Variants in RNF6 observed in about 807,000 individuals in gnomAD.
RNF6 encodes ring finger protein 6.
In RNF6, 21 loss-of-function variants were observed where a neutral mutation model predicts 50.1. The observed-to-expected ratio is 0.42, with a 90% confidence interval of 0.30 to 0.60. The LOEUF (loss-of-function observed/expected upper bound fraction) is 0.60, where lower values mean the gene tolerates loss of function less well. RNF6 is among the 20% of genes least tolerant of loss of function. The pLI is 0.20. For missense variants in RNF6, 698 were observed against 838.2 expected, an observed-to-expected ratio of 0.83 and a Z score of 2.07; for synonymous variants, 255 against 291.8, an observed-to-expected ratio of 0.87 and a Z score of 1.29.
At chr13:26,140,163 T>C (rs1401214666) in intron 5 of RNF6, among the ~76,000 whole-genome samples, 1 of 152,242 alleles carries the variant, frequency 6.6e-6, no homozygotes, top group Admixed American at 6.5e-5. Flanking sequence ...ATTAACTTTA[T>C]ACAAATGAGA....
intron 5 of RNF6, among the ~76,000 whole-genome samples, chr13:26,181,271 T>C (rs12427601): frequency 0.38 from 57,004 of 151,900 alleles, 11,787 homozygotes; most frequent in East Asian, 0.7. Context: ...GCAGAGCACC[T>C]CCAGGATGTG....
intron 5 of RNF6, among the ~76,000 whole-genome samples, chr13:26,192,660 G>T (rs1292349548): frequency 2.0e-5 from 3 of 152,290 alleles, no homozygotes; most frequent in Admixed American, 2.0e-4. Flanking sequence ...TTTTGGAAAG[G>T]CCCATGTGGC....
rs116707681 is a variant in RNF6 at position 26,216,046 on chromosome 13, A to G, written c.290-454T>C. 6.1e-3 allele frequency among the ~76,000 whole-genome samples: 935 copies of G among 152,320 alleles called. 15 individuals carry two copies. The highest frequency in any genetic ancestry group is 0.022 in the African/African-American group (905 of 41,576). ...AACTCAGTCATTTTTGCAACTAGGTATTTCTGTAATCTTAGAAATTTTTCC... is the reference window on the plus strand; with the variant it reads ...AACTCAGTCATTTTTGCAACTAGGTGTTTCTGTAATCTTAGAAATTTTTCC... On this transcript the variant is annotated intron_variant, in intron 4 of 4. Coordinates refer to ENST00000381588, the MANE Select transcript of RNF6 (RefSeq NM_005977.4).
chr13:26,210,542 T>A (rs1040178830), downstream of RNF6, among the ~76,000 whole-genome samples: 1 of 152,224 alleles, frequency 6.6e-6, no homozygotes, highest in South Asian at 2.1e-4. Context: ...GACAGAAGGA[T>A]GTATTTGCCT....
At chr13:26,203,030 A>G (rs1566431987) in intron 5 of RNF6, among the ~76,000 whole-genome samples, 2 of 152,252 alleles carry the variant, frequency 1.3e-5, no homozygotes, top group East Asian at 3.8e-4. Context: ...ATATTTTACA[A>G]ATGGAAAAAC....
chr13:26,138,386 A>C (rs1870759275), intron 5 of RNF6, among the ~76,000 whole-genome samples: 1 of 152,204 alleles, frequency 6.6e-6, no homozygotes, highest in African/African-American at 2.4e-5. Context: ...AAAGGTTACT[A>C]AACTGTATAT....
intron 5 of RNF6, among the ~76,000 whole-genome samples, chr13:26,171,120 A>T (rs1872679117): frequency 6.6e-6 from 1 of 152,216 alleles, no homozygotes; most frequent in African/African-American, 2.4e-5. Context: ...ATGGAAAGAC[A>T]ACAGAATGGG....
rs183257502 is a variant in RNF6 at position 26,183,876 on chromosome 13, A to C, written n.768+31598T>G. ...TTATTTATATATTTTTATATATATAAAATATAGGTTTTTTTATACTTATTT... is the reference window on the plus strand; with the variant it reads ...TTATTTATATATTTTTATATATATACAATATAGGTTTTTTTATACTTATTT... On this transcript the variant is annotated intron_variant and non_coding_transcript_variant, in intron 5 of 5. Coordinates refer to the RNF6 transcript ENST00000468480. Among the ~76,000 whole-genome samples the C allele has an allele frequency of 1.7e-3, 204 of 118,554 alleles. 4 individuals carry two copies. The highest frequency in any genetic ancestry group is 1.0e-4 in the Non-Finnish European group (6 of 58,898). The allele number at this position is 118,554 out of a possible 152,430, so 77.8% of individuals were successfully genotyped here.
At chr13:26,146,558 G>A (rs1593146291) in intron 5 of RNF6, among the ~76,000 whole-genome samples, 1 of 152,118 alleles carries the variant, frequency 6.6e-6, no homozygotes, top group East Asian at 1.9e-4. Context: ...CCACCCTAGG[G>A]TGAGTGAATA....
rs147881007 is a variant in RNF6, at chr13:26,214,976, T to C, written c.906A>G (p.Arg302=). 1.9e-6 allele frequency: 3 copies of C among 1,614,082 alleles called. No individual in the cohort carries two copies. The African/African-American group carries it at 4.0e-5, about 22-fold the overall frequency. ...RNTNQRLEPI[R]LRSTSNSRSR... ...TTCGACTATTGGAAGTAGATCGTAA[T>C]CTTATTGGCTCTAATCTTTGGTTTG... The change falls in exon 5 of 5, where the codon AGA becomes AGG. Residue 302 remains arginine (R), a synonymous_variant. Coordinates refer to ENST00000381588, the MANE Select transcript of RNF6 (RefSeq NM_005977.4).
At chr13:26,158,502 A>T (rs1593155869) in intron 5 of RNF6, among the ~76,000 whole-genome samples, 1 of 152,204 alleles carries the variant, frequency 6.6e-6, no homozygotes, top group East Asian at 1.9e-4. Context: ...TATCTGTGAA[A>T]GTTGGTCTAT....
chr13:26,141,251 T>C (rs1221783092), intron 5 of RNF6, among the ~76,000 whole-genome samples: 1 of 151,838 alleles, frequency 6.6e-6, no homozygotes, highest in Admixed American at 6.6e-5. Context: ...CCAACAGTGA[T>C]ACCCCATCTC....
intron 5 of RNF6, among the ~76,000 whole-genome samples, chr13:26,132,849 A>G (rs1484896436): frequency 1.3e-5 from 2 of 152,186 alleles, no homozygotes; most frequent in Admixed American, 6.5e-5. Flanking sequence ...CAGGCATCAG[A>G]TTCACCAAAA....
intron 5 of RNF6, among the ~76,000 whole-genome samples, chr13:26,143,571 A>G (rs914516801): frequency 6.6e-6 from 1 of 152,184 alleles, no homozygotes; most frequent in Admixed American, 6.5e-5. Context: ...TGGTACTAGT[A>G]CTATCTTCAT....
exon 6 of RNF6, chr13:26,132,298 C>A: frequency 3.0e-6 from 1 of 333,668 alleles, no homozygotes; most frequent in South Asian, 2.5e-5. Flanking sequence ...AGAAAAAAAA[C>A]TGTTTGTGAA....
chr13:26,217,771 T>C (rs1379468817), intron 4 of RNF6, among the ~76,000 whole-genome samples: 6 of 152,334 alleles, frequency 3.9e-5, no homozygotes, highest in African/African-American at 9.6e-5. Context: ...TCCATTTAAA[T>C]AGTCACATGT....
intron 5 of RNF6, among the ~76,000 whole-genome samples, chr13:26,176,453 C>T (rs894044289): frequency 1.3e-5 from 2 of 152,224 alleles, no homozygotes; most frequent in Admixed American, 1.3e-4. Context: ...CTCCACCCAG[C>T]TCCCAGTCTC....
At chr13:26,162,554 C>G (rs1289333066) in intron 5 of RNF6, among the ~76,000 whole-genome samples, 3 of 152,150 alleles carry the variant, frequency 2.0e-5, no homozygotes, top group African/African-American at 7.2e-5. Flanking sequence ...GAACATTGTA[C>G]CAGGGCAGAA....
intron 5 of RNF6, among the ~76,000 whole-genome samples, chr13:26,165,992 G>A (rs982369088): frequency 2.6e-5 from 4 of 152,110 alleles, no homozygotes; most frequent in African/African-American, 9.7e-5. Context: ...GACCAGGAGT[G>A]GAATGTTATG....
Sources: gnomAD v4.1 joint callset for allele counts (sites outside exome capture counted in the v4.1 genomes callset) on GRCh38, gnomAD v4.1.1 for gene constraint, MANE v1.5 for transcripts, NCBI Gene and HGNC (gene_info 2026-07-23, HGNC 2026-07-21) for gene names.